The following ADCY2 variants were observed in gnomAD, a reference collection of about 807,000 sequenced individuals.
ADCY2 encodes adenylate cyclase 2, also known as adenylate cyclase type 2.
In ADCY2, 31 loss-of-function variants were observed where a neutral mutation model predicts 125.2. The observed-to-expected ratio is 0.25, with a 90% CI of 0.19 to 0.33. ADCY2 has a LOEUF of 0.33. ADCY2 is among the 10% of genes least tolerant of loss of function. ADCY2 has a pLI of 1.00. For missense variants in ADCY2, 904 were observed against 1,418.2 expected (o/e 0.64, Z 5.82); for synonymous variants, 512 against 548.4 (o/e 0.93, Z 0.93).
chr5:7,743,660 C>T lies in ADCY2; in HGVS notation c.1872-8C>T. ...CACCCTGACTTGCTGCTTTTTGTTT[C>T]CCGGTAGAACGTCCGTCCTGGGCAT... On this transcript the variant is annotated splice_polypyrimidine_tract_variant and splice_region_variant and intron_variant, in intron 14 of 24. Coordinates refer to ENST00000338316, the MANE Select transcript of ADCY2 (RefSeq NM_020546.3). 6.2e-7 allele frequency: 1 copy of T among 1,612,848 alleles called. No individual in the cohort carries two copies. Among genetic ancestry groups the T allele is most frequent in the African/African-American group, 1.3e-5 (1 of 74,940 alleles).
At chr5:7,713,318 A>T (rs1183133155) in intron 11 of ADCY2, among the ~76,000 whole-genome samples, 1 of 151,794 alleles carries the variant, frequency 6.6e-6, no homozygotes, top group African/African-American at 2.4e-5. Flanking sequence ...TAACAAAACC[A>T]CGTCTCTACT....
At chr5:7,501,651 C>CCG (rs1554014554) in intron 2 of ADCY2, among the ~76,000 whole-genome samples, 3 of 100,462 alleles carry the variant, frequency 3.0e-5, no homozygotes, top group Admixed American at 9.3e-5. Flanking sequence ...CCCCCTCCCC[C>CCG]CCCCCCCGCC....
Position 7,802,439 on chromosome 5 carries a change from G to T in ADCY2, c.2775+75G>T. ...ACCTGTGCACTTGAAGTTACTTCAG[G>T]ATAGTGGCCTATCCCAAAAAAACTT... On this transcript the variant is annotated intron_variant, in intron 21 of 24. Transcript: ENST00000338316. This position sits in a 1 kb window ranked among gnomAD's most constrained non-coding sequence, Gnocchi z 4.6. 6.6e-7 allele frequency: 1 copy of T among 1,513,462 alleles called. No homozygotes were observed. Among genetic ancestry groups the T allele is most frequent in the South Asian group, 1.3e-5 (1 of 75,882 alleles). The allele number at this position is 1,513,462 out of a possible 1,614,324, so 93.8% of individuals were successfully genotyped here.
intron 22 of ADCY2, among the ~76,000 whole-genome samples, chr5:7,808,071 A>C (rs567470677): frequency 3.3e-5 from 5 of 152,274 alleles, no homozygotes; most frequent in African/African-American, 1.2e-4. Flanking sequence ...CTGCCTGGTC[A>C]AGGAGCCTTT....
intron 3 of ADCY2, among the ~76,000 whole-genome samples, chr5:7,524,730 G>T (rs115655980): frequency 0.031 from 4,771 of 152,150 alleles, 248 homozygotes; most frequent in African/African-American, 0.11. Context: ...AGCGGTGGTG[G>T]GTGCATCCTC....
At chr5:7,552,775 A>G (rs1332433906) in intron 3 of ADCY2, among the ~76,000 whole-genome samples, 1 of 152,226 alleles carries the variant, frequency 6.6e-6, no homozygotes, top group East Asian at 1.9e-4. Context: ...CAGCGTTTGT[A>G]AAAAAGGCTA....
At chr5:7,712,988 G>A (rs1343332671) in intron 11 of ADCY2, 89 bp downstream of exon 11, 4 of 1,011,372 alleles carry the variant, frequency 4.0e-6, no homozygotes, top group Non-Finnish European at 6.0e-6. Flanking sequence ...TAATTTCAAG[G>A]GCTACTTCTG....
intron 11 of ADCY2, among the ~76,000 whole-genome samples, chr5:7,713,352 G>A (rs917832417): frequency 2.6e-5 from 4 of 151,792 alleles, no homozygotes; most frequent in Non-Finnish European, 5.9e-5. Flanking sequence ...AAATTAGCTG[G>A]GTGTTGTGGC....
In ADCY2 at chr5:7,825,158, T is replaced by TGCCACGACAACGCTGCTGTGC. The variant is rs1561048404; in HGVS notation, c.3124-1498_3124-1478dup. 1.1e-3 allele frequency among the ~76,000 whole-genome samples: 164 copies of TGCCACGACAACGCTGCTGTGC among 144,634 alleles called. 3 individuals carry two copies. Among genetic ancestry groups the TGCCACGACAACGCTGCTGTGC allele is most frequent in the African/African-American group, 2.8e-3 (101 of 35,910 alleles). 94.9% of individuals were successfully genotyped at this position (144,634 alleles called of 152,430 possible). A position where few individuals can be genotyped will look rare whatever the true frequency, so the allele number is the denominator to read the frequency against. ...TGTGTCCCATAATAACGCTGCTGTG[T>TGCCACGACAACGCTGCTGTGC]GCCACGACAACGCTGCTGTGCGCCA... On this transcript the variant is annotated intron_variant, in intron 24 of 24. Coordinates refer to ENST00000338316, the MANE Select transcript of ADCY2 (RefSeq NM_020546.3).
intron 3 of ADCY2, among the ~76,000 whole-genome samples, chr5:7,531,279 C>T (rs534799829): frequency 1.8e-4 from 28 of 152,198 alleles, no homozygotes; most frequent in Middle Eastern, 3.4e-3. Flanking sequence ...CCTGGAGGGC[C>T]GCCGTTTTCC....
chr5:7,509,943 A>G (rs906251326), intron 2 of ADCY2, among the ~76,000 whole-genome samples: 1 of 152,196 alleles, frequency 6.6e-6, no homozygotes, highest in African/African-American at 2.4e-5. Context: ...ATGGTCAGGT[A>G]TTGAATAAGA....
chr5:7,430,529 T>TATATATACTATATATATATAGTATATTG (rs1740551219), intron 2 of ADCY2, among the ~76,000 whole-genome samples: 2 of 145,494 alleles, frequency 1.4e-5, no homozygotes, highest in Non-Finnish European at 3.0e-5. Context: ...TATGTATATA[T>TATATATACTATATATATATAGTATATTG]ATATACTATA....
intron 4 of ADCY2, among the ~76,000 whole-genome samples, chr5:7,665,804 G>GTTTTGTT (rs1453837617): frequency 1.5e-5 from 1 of 66,126 alleles, no homozygotes; most frequent in Non-Finnish European, 3.3e-5. Flanking sequence ...GTCTATTTAT[G>GTTTTGTT]TTTTGTTTTT....
At chr5:7,493,962 G>A (rs1743258659) in intron 2 of ADCY2, among the ~76,000 whole-genome samples, 1 of 152,072 alleles carries the variant, frequency 6.6e-6, no homozygotes. Context: ...CGGTCCCGGT[G>A]GAAACCAGAG....
At chr5:7,596,471 C>T (rs190160777) in intron 3 of ADCY2, among the ~76,000 whole-genome samples, 3 of 152,272 alleles carry the variant, frequency 2.0e-5, no homozygotes, top group South Asian at 2.1e-4. Flanking sequence ...TGAACAATAA[C>T]GAAATACCTA....
chr5:7,408,160 G>C (rs370415467), intron 1 of ADCY2, among the ~76,000 whole-genome samples: 1 of 151,668 alleles, frequency 6.6e-6, no homozygotes, highest in Non-Finnish European at 1.5e-5. Context: ...ATGAGCCACC[G>C]TGCCTGGCCC....
At chr5:7,793,333 C>A (rs1461529637) in intron 20 of ADCY2, among the ~76,000 whole-genome samples, 1 of 152,156 alleles carries the variant, frequency 6.6e-6, no homozygotes, top group Admixed American at 6.5e-5. Context: ...TGCCTGTAAT[C>A]CCAGCTAGTA....
intron 20 of ADCY2, among the ~76,000 whole-genome samples, chr5:7,790,211 C>CG (rs1744211404): frequency 7.5e-6 from 1 of 133,910 alleles, no homozygotes; most frequent in South Asian, 2.4e-4. Context: ...TTAAACCATG[C>CG]CTCCCACACG....
At position 7,396,584 on chromosome 5, in the gene ADCY2, G is replaced by A. The variant is rs1050471960; in HGVS notation, c.210+78G>A. The stretch of plus-strand genomic sequence containing the variant: ...AGCCCGGCCAGCCGAGCCGCGTCCC[G>A]CTCCGGGCTGCCCCTCGGCCCGCGG... On this transcript the variant is annotated intron_variant, in intron 1 of 24. Coordinates refer to ENST00000338316, the MANE Select transcript of ADCY2 (RefSeq NM_020546.3). The surrounding 1 kb of genome is among the most constrained non-coding windows in gnomAD (Gnocchi z 5.7). The A allele has an allele frequency of 1.8e-5, 23 of 1,284,054 alleles. No individual in the cohort carries two copies. In the African/African-American group the frequency reaches 3.5e-4, roughly 19 times the overall value. The allele number at this position is 1,284,054 out of a possible 1,614,324, so 79.5% of individuals were successfully genotyped here.
Sources: gnomAD v4.1 joint callset for allele counts (sites outside exome capture counted in the v4.1 genomes callset) on GRCh38, gnomAD v4.1.1 for gene constraint, Gnocchi (gnomAD v3.1) non-coding constraint, MANE v1.5 for transcripts, NCBI Gene and HGNC (gene_info 2026-07-23, HGNC 2026-07-21) for gene names.